The following PIK3C2G variants were observed in gnomAD, a reference collection of about 807,000 sequenced individuals.
The protein encoded by PIK3C2G is phosphatidylinositol 3-kinase C2 domain-containing subunit gamma.
PIK3C2G carries 168 observed loss-of-function variants against 181.1 expected under a neutral mutation model. That is an observed-to-expected ratio of 0.93 (90% CI 0.82 to 1.05). The LOEUF is 1.05. Ranked by LOEUF, PIK3C2G falls within the 50% of genes least tolerant of loss-of-function variation. PIK3C2G has a pLI of 0.00. For synonymous variants in PIK3C2G, 573 were observed against 592.2 expected, an observed-to-expected ratio of 0.97 and a Z score of 0.47; for missense variants, 1,869 against 1,732.8, an observed-to-expected ratio of 1.08 and a Z score of -1.40.
intron 5 of PIK3C2G, among the ~76,000 whole-genome samples, chr12:18,295,059 TAAC>T (rs1203895789): frequency 5.3e-5 from 8 of 150,106 alleles, no homozygotes; most frequent in Admixed American, 1.3e-4. Flanking sequence ...ATTATTTTAA[TAAC>T]AAAATATATT....
intron 1 of PIK3C2G, among the ~76,000 whole-genome samples, chr12:18,269,187 T>C (rs1011461867): frequency 6.6e-6 from 1 of 152,078 alleles, no homozygotes; most frequent in Non-Finnish European, 1.5e-5. Flanking sequence ...GCTGGTATTA[T>C]AGGCATAAGC....
chr12:18,699,557 G>A, the PIK3C2G span, among the ~76,000 whole-genome samples: 1 of 152,030 alleles, frequency 6.6e-6, no homozygotes, highest in Non-Finnish European at 1.5e-5. Flanking sequence ...AACAAATGTG[G>A]CCACATCGGA....
chr12:18,480,424 G>C (rs377240156), intron 18 of PIK3C2G, among the ~76,000 whole-genome samples: 1 of 152,086 alleles, frequency 6.6e-6, no homozygotes, highest in Non-Finnish European at 1.5e-5. Context: ...ACATGTTAAC[G>C]TGTGAGTAGG....
chr12:18,390,453 T>C (rs560729582), intron 14 of PIK3C2G, among the ~76,000 whole-genome samples: 1 of 152,176 alleles, frequency 6.6e-6, no homozygotes, highest in African/African-American at 2.4e-5. Flanking sequence ...AACTGTAATT[T>C]TATTTACTAA....
chr12:18,685,148 G>C, the PIK3C2G span, among the ~76,000 whole-genome samples: 6,638 of 152,022 alleles, frequency 0.044, 483 homozygotes, highest in African/African-American at 0.15. Context: ...TTAGTTGTTA[G>C]ACTGAAAGCT....
At chr12:18,459,782 A>G (rs1947819023) in intron 18 of PIK3C2G, among the ~76,000 whole-genome samples, 2 of 152,120 alleles carry the variant, frequency 1.3e-5, no homozygotes, top group South Asian at 4.1e-4. Flanking sequence ...TGAAACTAAG[A>G]CTAGAGTCTA....
chr12:18,343,318 T>C lies in PIK3C2G; in HGVS notation c.1396-9T>C. The stretch of plus-strand genomic sequence containing the variant: ...CGAATAACAAGTATAATTTTACATT[T>C]TTTTTCAGAATTTTTATCAAAGTTC... On this transcript the variant is annotated splice_polypyrimidine_tract_variant and intron_variant, in intron 9 of 32. Transcript: ENST00000538779. 7.5e-7 allele frequency: 1 copy of C among 1,335,550 alleles called. No homozygotes were observed. Among genetic ancestry groups the C allele is most frequent in the Non-Finnish European group, 1.0e-6 (1 of 959,272 alleles). 82.7% of individuals were successfully genotyped at this position (1,335,550 alleles called of 1,614,324 possible).
At chr12:18,599,540 C>T (rs181404467) in intron 30 of PIK3C2G, among the ~76,000 whole-genome samples, 4,247 of 151,828 alleles carry the variant, frequency 0.028, 67 homozygotes, top group Middle Eastern at 0.062. Context: ...GGAGATATAC[C>T]TAATGCTAGA....
intron 18 of PIK3C2G, among the ~76,000 whole-genome samples, chr12:18,432,551 CAGTATTAT>C (rs1946220665): frequency 6.6e-6 from 1 of 152,248 alleles, no homozygotes; most frequent in African/African-American, 2.4e-5. Flanking sequence ...CCCTGAAAAG[CAGTATTAT>C]AGTGTTTAAT....
chr12:18,661,304 C>T, the PIK3C2G span, among the ~76,000 whole-genome samples: 37 of 151,686 alleles, frequency 2.4e-4, no homozygotes, highest in East Asian at 1.7e-3. Context: ...AGAAGTTTAA[C>T]GAACTCCAAA....
At chr12:18,515,686 G>A (rs1942490806) in intron 24 of PIK3C2G, among the ~76,000 whole-genome samples, 1 of 151,740 alleles carries the variant, frequency 6.6e-6, no homozygotes, top group Non-Finnish European at 1.5e-5. Flanking sequence ...CATTGATCTT[G>A]TGTATTTGTT....
At chr12:18,693,198 A>C in the PIK3C2G span, 1 of 1,567,446 alleles carries the variant, frequency 6.4e-7, no homozygotes, top group Non-Finnish European at 8.8e-7. Context: ...ATTTGCAGAC[A>C]AGGATCTTCT....
intron 32 of PIK3C2G, among the ~76,000 whole-genome samples, chr12:18,640,955 A>G (rs1166291048): frequency 6.6e-6 from 1 of 152,194 alleles, no homozygotes; most frequent in Non-Finnish European, 1.5e-5. Flanking sequence ...AACTAAAAAA[A>G]TAAATACAAA....
At chr12:18,490,549 A>G (rs1940465780) in intron 19 of PIK3C2G, among the ~76,000 whole-genome samples, 1 of 152,060 alleles carries the variant, frequency 6.6e-6, no homozygotes. Context: ...CTCAGCCTCT[A>G]GTAACCATCC....
chr12:18,332,282 C>T (rs1327678411), intron 8 of PIK3C2G, among the ~76,000 whole-genome samples: 1 of 152,102 alleles, frequency 6.6e-6, no homozygotes, highest in Non-Finnish European at 1.5e-5. Context: ...GACAGTCTCT[C>T]TAAACACTGT....
chr12:18,615,330 GGTGTGTGTGTGTGTGT>G (rs3055216), intron 31 of PIK3C2G, among the ~76,000 whole-genome samples: 21 of 138,218 alleles, frequency 1.5e-4, no homozygotes, highest in East Asian at 8.4e-4. Context: ...AGTATTCCAC[GGTGTGTGTGTGTGTGT>G]GTGTGTGTGT....
chr12:18,244,919 G>A (rs1034288355), upstream of PIK3C2G, among the ~76,000 whole-genome samples: 4 of 152,024 alleles, frequency 2.6e-5, no homozygotes, highest in Admixed American at 2.0e-4. Flanking sequence ...GTCAAAGATC[G>A]AGGTTATATT....
At chr12:18,504,351 A>G (rs1475134158) in intron 23 of PIK3C2G, among the ~76,000 whole-genome samples, 1 of 152,208 alleles carries the variant, frequency 6.6e-6, no homozygotes, top group East Asian at 1.9e-4. Flanking sequence ...TCAGTTTTGC[A>G]TTAATCCTTG....
At chr12:18,341,609 T>C (rs2137623202) in intron 9 of PIK3C2G, among the ~76,000 whole-genome samples, 1 of 152,264 alleles carries the variant, frequency 6.6e-6, no homozygotes, top group Admixed American at 6.5e-5. Context: ...ATCAGTTGCA[T>C]TTATACTTTT....
Sources: allele counts gnomAD v4.1 joint callset (sites outside exome capture counted in the v4.1 genomes callset), GRCh38; gene constraint gnomAD v4.1.1; transcripts MANE v1.5; gene names NCBI Gene and HGNC (gene_info 2026-07-23, HGNC 2026-07-21).